Variants in AXDND1 observed in about 807,000 individuals in gnomAD.
AXDND1 encodes the protein axonemal dynein light chain domain-containing protein 1.
AXDND1 carries 110 observed loss-of-function variants against 137.5 expected under a neutral mutation model. The observed-to-expected ratio is 0.80, with a 90% confidence interval of 0.69 to 0.94. The LOEUF (loss-of-function observed/expected upper bound fraction) is 0.94. Among genes scored for constraint, AXDND1 ranks in the 40% least tolerant of loss-of-function variants. AXDND1 has a pLI of 0.00. For missense variants in AXDND1, 1,191 were observed against 1,169.8 expected (o/e 1.02, Z -0.26); for synonymous variants, 414 against 399.7 (o/e 1.04, Z -0.43).
chr1:179,468,584 A>G lies in AXDND1; in HGVS notation c.1940A>G (p.Asp647Gly). Residue 647 changes from aspartate to glycine, a missense_variant, in exon 17 of 26, where the codon GAT becomes GGT. Transcript: ENST00000367618. ...EKINEMKSHL[D>G]ILLNLTGIVP... ...ATTAATGAAATGAAATCACACTTGG[A>G]TATATTGTTAAACCTTACTGGTATT... 1.2e-6 allele frequency: 2 copies of G among 1,612,850 alleles called. No individual in the cohort carries two copies. The highest frequency in any genetic ancestry group is 2.2e-5 in the South Asian group (2 of 91,002).
Position 179,488,691 on chromosome 1 carries a change from CTTTCTTTCCTCT to C in AXDND1, c.2092-2846_2092-2835del, listed in dbSNP as rs1666465724. ...TCTTTCTTTCTTTCTTTCTTTCTTTCTTTCTTTCCTCTCTCTGTCTCTCTCTCTCTTTCTTTC... is the reference window on the plus strand; with the variant it reads ...TCTTTCTTTCTTTCTTTCTTTCTTTCCTCTGTCTCTCTCTCTCTTTCTTTC... On this transcript the variant is annotated intron_variant, in intron 18 of 25. Transcript: ENST00000367618. Among the ~76,000 whole-genome samples the C allele has an allele frequency of 7.8e-5, 9 of 115,674 alleles. 1 individual carries two copies. The Admixed American group carries it at 8.3e-4, about 11-fold the overall frequency. The allele number at this position is 115,674 out of a possible 152,430, so 75.9% of individuals were successfully genotyped here.
At chr1:179,456,360 G>T (rs967097826) in intron 16 of AXDND1, 3 of 778,720 alleles carry the variant, frequency 3.9e-6, no homozygotes, top group East Asian at 4.9e-5. Context: ...TCCCTTCGTG[G>T]GTCCAAAATT....
chr1:179,545,173 C>G (rs1413503979), intron 25 of AXDND1: 1 of 152,292 alleles, frequency 6.6e-6, no homozygotes, highest in African/African-American at 2.4e-5. Flanking sequence ...CTCACTGCTC[C>G]TGGCTCACTT....
intron 17 of AXDND1, among the ~76,000 whole-genome samples, chr1:179,482,376 G>A (rs1047239110): frequency 4.6e-5 from 7 of 151,982 alleles, no homozygotes; most frequent in African/African-American, 1.7e-4. Flanking sequence ...TATATATATA[G>A]GGGCTGGGTG....
At chr1:179,412,673 G>A (rs1320315161) in intron 12 of AXDND1, among the ~76,000 whole-genome samples, 1 of 152,056 alleles carries the variant, frequency 6.6e-6, no homozygotes, top group Non-Finnish European at 1.5e-5. Flanking sequence ...ATTCAAGAGA[G>A]GAGAAAGGAT....
intron 17 of AXDND1, among the ~76,000 whole-genome samples, chr1:179,475,051 G>C (rs1243917141): frequency 1.3e-5 from 2 of 152,148 alleles, no homozygotes; most frequent in Non-Finnish European, 1.5e-5. Flanking sequence ...TCTTGGGCCT[G>C]TGGGTGCACA....
chr1:179,465,413 AC>A (rs1034522579), intron 16 of AXDND1, among the ~76,000 whole-genome samples: 1 of 152,204 alleles, frequency 6.6e-6, no homozygotes, highest in Non-Finnish European at 1.5e-5. Context: ...CCTGGGTATC[AC>A]CAGCGGAGGC....
chr1:179,412,477 T>C (rs1654044430), intron 12 of AXDND1, among the ~76,000 whole-genome samples: 1 of 152,174 alleles, frequency 6.6e-6, no homozygotes, highest in Admixed American at 6.6e-5. Flanking sequence ...CTGCCACATG[T>C]AGTAGTTTGT....
At chr1:179,427,682 ACTAT>A (rs1445632021) in intron 12 of AXDND1, among the ~76,000 whole-genome samples, 2 of 152,196 alleles carry the variant, frequency 1.3e-5, no homozygotes, top group Non-Finnish European at 2.9e-5. Flanking sequence ...TTCAGTTATT[ACTAT>A]CTGTCAGATA....
intron 16 of AXDND1, among the ~76,000 whole-genome samples, chr1:179,467,610 A>C (rs1446836719): frequency 6.6e-6 from 1 of 152,182 alleles, no homozygotes; most frequent in African/African-American, 2.4e-5. Flanking sequence ...GGGGTCCTGA[A>C]ACCAATCCTC....
chr1:179,407,217 G>T (rs1558133063), intron 11 of AXDND1, among the ~76,000 whole-genome samples: 1 of 150,978 alleles, frequency 6.6e-6, no homozygotes, highest in Non-Finnish European at 1.5e-5. Flanking sequence ...GGCTAGCAGG[G>T]TTTTTTTTCT....
At chr1:179,552,459 AG>A (rs1673428032) in intron 25 of AXDND1, 2 of 706,756 alleles carry the variant, frequency 2.8e-6, no homozygotes, top group Non-Finnish European at 2.6e-6. Flanking sequence ...ACACTTTAAG[AG>A]AGCAATTTTA....
In AXDND1 at chr1:179,491,571, A is replaced by G; in HGVS notation, c.2125A>G (p.Met709Val). The G allele has an allele frequency of 1.2e-6, 2 of 1,611,654 alleles. No individual in the cohort carries two copies. The highest frequency in any genetic ancestry group is 1.1e-5 in the South Asian group (1 of 90,988). Residue 709 changes from methionine to valine, a missense_variant, in exon 19 of 26, where the codon ATG becomes GTG. Met to Val is a conservative substitution (Grantham distance 21). Transcript: ENST00000367618. ...GTTACATATATCTATGATCCAGTGG[A>G]TGGTAAACTTGCTGATTTTAATGAT... ...DELHISMIQW[M>V]VNLLILMIPN...
At chr1:179,548,990 A>G (rs1672918690) in intron 25 of AXDND1, 1 of 152,244 alleles carries the variant, frequency 6.6e-6, no homozygotes, top group Non-Finnish European at 1.5e-5. Context: ...CACCATTGTC[A>G]TAGAGTGTGC....
At chr1:179,455,641 A>G (rs1466067108) in intron 16 of AXDND1, 2 of 151,990 alleles carry the variant, frequency 1.3e-5, no homozygotes, top group Admixed American at 6.6e-5. Context: ...GGAAGATACT[A>G]GTATATGTGT....
At chr1:179,408,956 CT>C (rs1480998590) in intron 11 of AXDND1, among the ~76,000 whole-genome samples, 17 of 103,400 alleles carry the variant, frequency 1.6e-4, no homozygotes, top group Admixed American at 3.3e-4. Flanking sequence ...AGTGTGTTTT[CT>C]TTTTTTCTTT....
intron 22 of AXDND1, 144 bp downstream of exon 22, chr1:179,525,591 G>A (rs1056980619): frequency 2.1e-6 from 2 of 970,706 alleles, no homozygotes; most frequent in African/African-American, 3.4e-5. Flanking sequence ...CGAACTCTGG[G>A]GCTCAAATGA....
chr1:179,551,037 T>G, intron 25 of AXDND1: 2 of 1,014,364 alleles, frequency 2.0e-6, no homozygotes, highest in Non-Finnish European at 3.0e-6. Flanking sequence ...GGATGGTGCA[T>G]TGTGACTTCG....
chr1:179,465,806 C>T (rs12141320), intron 16 of AXDND1, among the ~76,000 whole-genome samples: 25,522 of 152,146 alleles, frequency 0.17, 2,490 homozygotes, highest in East Asian at 0.35. Flanking sequence ...TTTACCTACT[C>T]AAGCCTTAGC....
Sources: gnomAD v4.1 joint callset for allele counts (sites outside exome capture counted in the v4.1 genomes callset) on GRCh38, gnomAD v4.1.1 for gene constraint, MANE v1.5 for transcripts, NCBI Gene and HGNC (gene_info 2026-07-23, HGNC 2026-07-21) for gene names.